The following GBE1 variants were observed in gnomAD, a reference collection of about 807,000 sequenced individuals.
The protein encoded by GBE1 is 1,4-alpha-glucan-branching enzyme.
In GBE1, 70 loss-of-function variants were observed where a neutral mutation model predicts 88.8. The ratio of observed to expected loss-of-function variants is 0.79; its 90% CI spans 0.65 to 0.96. The LOEUF is 0.96. Ranked by LOEUF, GBE1 falls within the 40% of genes least tolerant of loss-of-function variation. The pLI is 0.00. For synonymous variants in GBE1, 284 were observed against 300.1 expected, an observed-to-expected ratio of 0.95 and a Z score of 0.56; for missense variants, 872 against 871.0, an observed-to-expected ratio of 1.00 and a Z score of -0.01.
rs370410694 is a variant in GBE1 at position 81,649,776 on chromosome 3, T to C, written c.555+20A>G. The C allele has an allele frequency of 1.9e-5, 30 of 1,565,556 alleles. No homozygotes were observed. The African/African-American group carries it at 3.9e-4, about 20-fold the overall frequency. Reference sequence around the variant, plus strand: ...AGAAATATTGGAACAATAATTTATTTAAAGATTTGTTGTTCTCACCTCATA... The same window carrying C: ...AGAAATATTGGAACAATAATTTATTCAAAGATTTGTTGTTCTCACCTCATA... On this transcript the variant is annotated intron_variant, in intron 4 of 15. Coordinates refer to ENST00000429644, the MANE Select transcript of GBE1 (RefSeq NM_000158.4).
intron 7 of GBE1, among the ~76,000 whole-genome samples, chr3:81,603,719 C>A (rs1248103879): frequency 6.6e-6 from 1 of 152,078 alleles, no homozygotes; most frequent in African/African-American, 2.4e-5. Flanking sequence ...TGGTATTGAA[C>A]TTCTGACCTC....
chr3:81,579,696 T>C (rs145140728), intron 11 of GBE1, among the ~76,000 whole-genome samples: 1 of 151,964 alleles, frequency 6.6e-6, no homozygotes, highest in Non-Finnish European at 1.5e-5. Context: ...ACAAATATTA[T>C]TCTTTTCTAG....
intron 7 of GBE1, among the ~76,000 whole-genome samples, chr3:81,623,668 G>A (rs1424509582): frequency 6.6e-6 from 1 of 152,064 alleles, no homozygotes; most frequent in African/African-American, 2.4e-5. Context: ...ATCTGAGACA[G>A]CGTTTCACTC....
intron 11 of GBE1, among the ~76,000 whole-genome samples, chr3:81,578,414 T>C (rs926048519): frequency 6.6e-6 from 1 of 151,910 alleles, no homozygotes; most frequent in African/African-American, 2.4e-5. Flanking sequence ...GAAACATTTA[T>C]TATAATGTTG....
At chr3:81,728,438 C>T (rs1348536512) in intron 1 of GBE1, among the ~76,000 whole-genome samples, 1 of 152,006 alleles carries the variant, frequency 6.6e-6, no homozygotes, top group Non-Finnish European at 1.5e-5. Context: ...AGATAGATAA[C>T]AAAAATAATG....
intron 12 of GBE1, among the ~76,000 whole-genome samples, chr3:81,557,763 C>A (rs1703366373): frequency 1.3e-5 from 2 of 151,740 alleles, no homozygotes; most frequent in South Asian, 4.2e-4. Context: ...GGTAGGGAAG[C>A]AATAAAAGAG....
At chr3:81,495,640 A>G (rs1702491123) in intron 15 of GBE1, among the ~76,000 whole-genome samples, 1 of 152,208 alleles carries the variant, frequency 6.6e-6, no homozygotes, top group South Asian at 2.1e-4. Flanking sequence ...ATTTCTGTAC[A>G]GAAATGTATA....
chr3:81,706,195 C>CA (rs1705773717), intron 1 of GBE1, among the ~76,000 whole-genome samples: 3 of 152,058 alleles, frequency 2.0e-5, no homozygotes, highest in Admixed American at 1.3e-4. Flanking sequence ...ACTTTATTTA[C>CA]AAAAAACAGG....
intron 1 of GBE1, among the ~76,000 whole-genome samples, chr3:81,706,721 C>T (rs1229394503): frequency 1.3e-5 from 2 of 152,030 alleles, no homozygotes; most frequent in East Asian, 1.9e-4. Flanking sequence ...AAATACTTCA[C>T]ATTATACAAC....
intron 4 of GBE1, among the ~76,000 whole-genome samples, chr3:81,649,527 T>C (rs1704815078): frequency 6.6e-6 from 1 of 151,668 alleles, no homozygotes; most frequent in Non-Finnish European, 1.5e-5. Context: ...AAAAAACCAG[T>C]ATCCCTTATA....
At chr3:81,645,518 G>A (rs1704749845) in intron 6 of GBE1, among the ~76,000 whole-genome samples, 3 of 152,148 alleles carry the variant, frequency 2.0e-5, no homozygotes, top group Non-Finnish European at 2.9e-5. Flanking sequence ...CCGCATACTT[G>A]GAGTGGGCTC....
intron 7 of GBE1, among the ~76,000 whole-genome samples, chr3:81,630,015 C>G (rs1454136352): frequency 6.6e-6 from 1 of 151,982 alleles, no homozygotes; most frequent in East Asian, 1.9e-4. Context: ...TGGTTTCCAG[C>G]TTCATCCATG....
At position 81,733,575 on chromosome 3, in the gene GBE1, A is replaced by C. The variant is rs990749458; in HGVS notation, c.143+27800T>G. On this transcript the variant is annotated intron_variant, in intron 1 of 15. Coordinates refer to ENST00000429644, the MANE Select transcript of GBE1 (RefSeq NM_000158.4). This position sits in a 1 kb window ranked among gnomAD's most constrained non-coding sequence, Gnocchi z 4.0. The stretch of plus-strand genomic sequence containing the variant: ...ACTGGCCATTTCTTAGGTCTGGTAC[A>C]CTCTTCCACCAGACAGTGCATGACT... 1.3e-5 allele frequency among the ~76,000 whole-genome samples: 2 copies of C among 151,768 alleles called. No homozygotes were observed. The highest frequency in any genetic ancestry group is 4.8e-5 in the African/African-American group (2 of 41,270).
intron 7 of GBE1, among the ~76,000 whole-genome samples, chr3:81,618,901 A>G (rs1053760486): frequency 6.6e-6 from 1 of 152,144 alleles, no homozygotes; most frequent in African/African-American, 2.4e-5. Context: ...TCAGCCTGGA[A>G]AACTGCTACA....
intron 1 of GBE1, among the ~76,000 whole-genome samples, chr3:81,715,788 A>G (rs1048269098): frequency 2.0e-5 from 3 of 152,178 alleles, no homozygotes; most frequent in African/African-American, 2.4e-5. Flanking sequence ...CTGTGCTTAT[A>G]TATAACCAGC....
At chr3:81,694,132 G>A (rs965608238) in intron 2 of GBE1, among the ~76,000 whole-genome samples, 5 of 151,496 alleles carry the variant, frequency 3.3e-5, no homozygotes, top group South Asian at 4.2e-4. Context: ...GGAATAAGAC[G>A]ATCAAAGCAA....
chr3:81,745,900 G>T (rs1398791365), intron 1 of GBE1, among the ~76,000 whole-genome samples: 1 of 151,976 alleles, frequency 6.6e-6, no homozygotes, highest in Non-Finnish European at 1.5e-5. Flanking sequence ...AAAGTGGCAT[G>T]CTATGATTTC....
intron 7 of GBE1, 125 bp from the exon 8 acceptor site, chr3:81,594,148 A>G (rs1304636712): frequency 4.1e-6 from 2 of 486,360 alleles, no homozygotes; most frequent in Non-Finnish European, 7.3e-6. Context: ...TTCAAGAAAC[A>G]TAACATATAT....
chr3:81,562,932 A>G (rs1185203509), intron 12 of GBE1, among the ~76,000 whole-genome samples: 1 of 151,924 alleles, frequency 6.6e-6, no homozygotes, highest in Non-Finnish European at 1.5e-5. Flanking sequence ...GTAATAATCT[A>G]AAATTTTAGA....
Sources: gnomAD v4.1 joint callset for allele counts (sites outside exome capture counted in the v4.1 genomes callset) on GRCh38, gnomAD v4.1.1 for gene constraint, Gnocchi (gnomAD v3.1) non-coding constraint, MANE v1.5 for transcripts, NCBI Gene and HGNC (gene_info 2026-07-23, HGNC 2026-07-21) for gene names.